Variants in RASL12 observed in about 807,000 individuals in gnomAD.
RASL12 encodes ras-like protein family member 12.
RASL12 carries 16 observed loss-of-function variants against 22.9 expected under a neutral mutation model. The ratio of observed to expected loss-of-function variants is 0.70; its 90% CI spans 0.47 to 1.06. RASL12 has a LOEUF of 1.06. Among genes scored for constraint, RASL12 ranks in the 50% least tolerant of loss-of-function variants. The pLI is 0.00. For missense variants in RASL12, 306 were observed against 353.1 expected, an observed-to-expected ratio of 0.87 and a Z score of 1.07; for synonymous variants, 159 against 152.2, an observed-to-expected ratio of 1.04 and a Z score of -0.33.
At chr15:65,075,656 G>T (rs2086962297) in intron 1 of RASL12, among the ~76,000 whole-genome samples, 1 of 151,970 alleles carries the variant, frequency 6.6e-6, no homozygotes, top group Non-Finnish European at 1.5e-5. Flanking sequence ...AGCTGCTCTG[G>T]TGGGGCCCTG....
chr15:65,047,598 G>A, the RASL12 span, among the ~76,000 whole-genome samples: 1 of 152,168 alleles, frequency 6.6e-6, no homozygotes, highest in Non-Finnish European at 1.5e-5. Flanking sequence ...GCCTGTGGCT[G>A]ATGTTACTAA....
intron 2 of RASL12, 108 bp from the exon 3 acceptor site, chr15:65,059,526 C>G: frequency 1.2e-6 from 1 of 815,752 alleles, no homozygotes; most frequent in Non-Finnish European, 2.1e-6. Context: ...AGCAGCTGCT[C>G]TGGGGCTGGG....
intron 4 of RASL12, among the ~76,000 whole-genome samples, chr15:65,057,358 C>T (rs577649708): frequency 6.6e-6 from 1 of 152,268 alleles, no homozygotes; most frequent in African/African-American, 2.4e-5. Context: ...CTGGAGAAAT[C>T]CAGTGGCATT....
At chr15:65,059,323 TA>T in intron 3 of RASL12, 21 bp downstream of exon 3, 1 of 1,604,270 alleles carries the variant, frequency 6.2e-7, no homozygotes, top group Non-Finnish European at 8.5e-7. Flanking sequence ...CAGCAGTGCA[TA>T]GGTAATGGAG....
chr15:65,066,697 C>A lies in RASL12; in HGVS notation c.103+1036G>T, dbSNP rs539897157. Among the ~76,000 whole-genome samples the A allele has an allele frequency of 3.9e-5, 6 of 152,278 alleles. No homozygotes were observed. The South Asian group carries it at 1.2e-3, about 32-fold the overall frequency. ...GGATAACAATCTGATTTTCAAAGGG[C>A]AAATCTTTCAAAGGAAGAGGGTAAT... On this transcript the variant is annotated intron_variant, in intron 1 of 4. Transcript: ENST00000220062.
chr15:65,047,215 A>G, the RASL12 span, among the ~76,000 whole-genome samples: 1 of 150,616 alleles, frequency 6.6e-6, no homozygotes, highest in African/African-American at 2.4e-5. Context: ...ACATGCCTGT[A>G]GTCCCAGCTA....
intron 3 of RASL12, among the ~76,000 whole-genome samples, chr15:65,059,091 C>G (rs1230836989): frequency 6.6e-6 from 1 of 152,228 alleles, no homozygotes; most frequent in Non-Finnish European, 1.5e-5. Context: ...TGCACAGGCA[C>G]AGAGCCCCAC....
chr15:65,058,648 G>A (rs769068543), intron 3 of RASL12, 31 bp from the exon 4 acceptor site: 11 of 1,462,842 alleles, frequency 7.5e-6, no homozygotes, highest in Non-Finnish European at 1.0e-5. Flanking sequence ...CCCGCCGGGG[G>A]GCAGAGGAGG....
At chr15:65,066,244 A>C (rs1208139718) in intron 1 of RASL12, among the ~76,000 whole-genome samples, 1 of 151,500 alleles carries the variant, frequency 6.6e-6, no homozygotes, top group African/African-American at 2.4e-5. Context: ...GAAAGATAGA[A>C]AGAAAGAAAG....
At chr15:65,050,830 C>CTTTTTTTTTTTTTT (rs1206139825), downstream of RASL12, among the ~76,000 whole-genome samples, 3 of 48,534 alleles carry the variant, frequency 6.2e-5, no homozygotes, top group African/African-American at 1.6e-4. Flanking sequence ...CTTTCTTCTT[C>CTTTTTTTTTTTTTT]TTCTTCTTTT....
chr15:65,072,027 A>T (rs951759660), upstream of RASL12, among the ~76,000 whole-genome samples: 2 of 152,156 alleles, frequency 1.3e-5, no homozygotes, highest in Admixed American at 1.3e-4. Flanking sequence ...TTTCCCTACC[A>T]CTAAGGCCAC....
Position 65,076,541 on chromosome 15 carries a change from CGG to C in RASL12, c.56_57del (p.Ala19GlyfsTer18). 1 of 701,094 alleles carries C rather than the reference CGG, an allele frequency of 1.4e-6. No individual in the cohort carries two copies. Among genetic ancestry groups the C allele is most frequent in the Non-Finnish European group, 2.6e-6 (1 of 384,426 alleles). The allele number at this position is 701,094 out of a possible 1,614,324, so 43.4% of individuals were successfully genotyped here. ...CTGTAACACTCACCTCGAGGGTCCG[CGG>C]CTTCATTCTTGAAGTCAGACCAAGA... On this transcript the variant is annotated frameshift_variant, in exon 1 of 5. Coordinates refer to the RASL12 transcript ENST00000434605. LOFTEE classifies it high-confidence loss of function.
chr15:65,075,154 GA>G (rs2086956928), intron 1 of RASL12, among the ~76,000 whole-genome samples: 1 of 152,258 alleles, frequency 6.6e-6, no homozygotes, highest in South Asian at 2.1e-4. Flanking sequence ...GGCAATGAGG[GA>G]CTTTGCACCC....
intron 2 of RASL12, among the ~76,000 whole-genome samples, chr15:65,062,641 C>G (rs1162082092): frequency 7.9e-5 from 12 of 152,226 alleles, no homozygotes; most frequent in Non-Finnish European, 2.9e-5. Context: ...GAAGCTAGTA[C>G]TGTGCTACCT....
At chr15:65,053,145 T>G (rs1480906378), downstream of RASL12, 2 of 1,613,882 alleles carry the variant, frequency 1.2e-6, no homozygotes, top group African/African-American at 2.7e-5. Flanking sequence ...CTTCCGGATG[T>G]ACCAGAAACT....
intron 1 of RASL12, among the ~76,000 whole-genome samples, chr15:65,075,600 T>G (rs543836786): frequency 6.6e-6 from 1 of 151,586 alleles, no homozygotes; most frequent in Admixed American, 6.6e-5. Flanking sequence ...CAGCACCCTG[T>G]GTCTAGCTCA....
Position 65,054,707 on chromosome 15 carries a change from C to G in RASL12, c.*192G>C. The G allele has an allele frequency of 1.4e-6, 2 of 1,422,378 alleles. No homozygotes were observed. Among genetic ancestry groups the G allele is most frequent in the Non-Finnish European group, 1.8e-6 (2 of 1,091,982 alleles). The allele number at this position is 1,422,378 out of a possible 1,614,324, so 88.1% of individuals were successfully genotyped here. On this transcript the variant is annotated 3_prime_UTR_variant, in exon 5 of 5. Transcript: ENST00000220062. ...GCGGTGGTTACCATGAAGACCAAGG[C>G]CTGGAGGGAACAGAAGCAGCATCCC...
chr15:65,050,833 CTTCTTT>C (rs1392170904), downstream of RASL12, among the ~76,000 whole-genome samples: 3 of 88,600 alleles, frequency 3.4e-5, no homozygotes, highest in African/African-American at 4.5e-5. Flanking sequence ...TCTTCTTCTT[CTTCTTT>C]TTTTTTTTTT....
chr15:65,064,970 T>G (rs1361041969), intron 2 of RASL12, among the ~76,000 whole-genome samples: 1 of 152,222 alleles, frequency 6.6e-6, no homozygotes, highest in Non-Finnish European at 1.5e-5. Context: ...ACACCTCATA[T>G]TTTAGGGTAA....
Sources: allele counts gnomAD v4.1 joint callset (sites outside exome capture counted in the v4.1 genomes callset), GRCh38; gene constraint gnomAD v4.1.1; transcripts MANE v1.5; gene names NCBI Gene and HGNC (gene_info 2026-07-23, HGNC 2026-07-21).